STAB2: variants seen among roughly 807,000 people sequenced by gnomAD.
STAB2 encodes the protein stabilin 2, also known as stabilin-2.
In STAB2, 288 loss-of-function variants were observed where a neutral mutation model predicts 338.1. The observed-to-expected ratio is 0.85, with a 90% CI of 0.77 to 0.94. The LOEUF is 0.94. Among genes scored for constraint, STAB2 ranks in the 40% least tolerant of loss-of-function variants. The pLI, the probability that STAB2 is intolerant of heterozygous loss-of-function variation, is 0.00. For synonymous variants in STAB2, 1,202 were observed against 1,193.3 expected (o/e 1.01, Z -0.15); for missense variants, 3,141 against 3,210.1 (o/e 0.98, Z 0.52).
chr12:103,705,376 A>G (rs697211), intron 36 of STAB2, among the ~76,000 whole-genome samples: 101,303 of 152,140 alleles, frequency 0.67, 34,119 homozygotes, highest in Non-Finnish European at 0.71. Context: ...ACTTAAGTTG[A>G]TATTCTAAAG....
intron 3 of STAB2, among the ~76,000 whole-genome samples, chr12:103,596,331 A>C (rs1207941715): frequency 6.6e-6 from 1 of 152,226 alleles, no homozygotes; most frequent in South Asian, 2.1e-4. Context: ...ATGCAGTACA[A>C]AAGTCAGCAT....
intron 44 of STAB2, among the ~76,000 whole-genome samples, chr12:103,723,944 G>C (rs867117078): frequency 6.8e-6 from 1 of 147,716 alleles, no homozygotes. Flanking sequence ...GCTTGAAATG[G>C]AGCTCTCAGG....
At chr12:103,713,822 T>C in intron 42 of STAB2, 54 bp downstream of exon 42, 1 of 1,603,438 alleles carries the variant, frequency 6.2e-7, no homozygotes, top group Admixed American at 1.7e-5. Flanking sequence ...CATAGCCCTA[T>C]TAAATGATTC....
At chr12:103,656,711 G>A (rs1277525549) in intron 15 of STAB2, among the ~76,000 whole-genome samples, 3 of 129,116 alleles carry the variant, frequency 2.3e-5, no homozygotes, top group Middle Eastern at 4.7e-3. Flanking sequence ...ACGGAGTCTC[G>A]CTCTGTCGCC....
chr12:103,660,459 T>C, intron 16 of STAB2, 75 bp downstream of exon 16: 1 of 1,544,738 alleles, frequency 6.5e-7, no homozygotes, highest in Admixed American at 1.7e-5. Flanking sequence ...TTCCAATATT[T>C]TGACGCTAGA....
intron 4 of STAB2, among the ~76,000 whole-genome samples, chr12:103,621,088 ACT>A (rs1957294063): frequency 6.6e-6 from 1 of 151,726 alleles, no homozygotes; most frequent in African/African-American, 2.4e-5. Flanking sequence ...CAAGAGCAAG[ACT>A]CTGTCCACCC....
In STAB2 at chr12:103,684,999, A is replaced by G; in HGVS notation, c.2912A>G (p.Gln971Arg). The G allele has an allele frequency of 6.2e-7, 1 of 1,613,860 alleles. No individual in the cohort carries two copies. The highest frequency in any genetic ancestry group is 2.2e-5 in the East Asian group (1 of 44,872). Residue 971 changes from glutamine (Q) to arginine (R), a missense_variant, in exon 27 of 69, where the codon CAA becomes CGA. Physicochemically the swap from Gln to Arg is conservative, Grantham distance 43 (BLOSUM62 1). Coordinates refer to ENST00000388887, the MANE Select transcript of STAB2 (RefSeq NM_017564.10). ...TCTTGGTTTTCTCAGGCAAGCTGTCAATCTACTTCGTCTGGTGTCTGGAGC... is the reference window on the plus strand; with the variant it reads ...TCTTGGTTTTCTCAGGCAAGCTGTCGATCTACTTCGTCTGGTGTCTGGAGC... Reference protein sequence around the residue: ...TGKCHPLASCQSTSSGVWSCV... With the variant: ...TGKCHPLASCRSTSSGVWSCV...
rs1002462186 is a variant in STAB2, at chr12:103,644,471, T to G, written c.1040+4215T>G. Among the ~76,000 whole-genome samples, 560 of 150,700 alleles carry G rather than the reference T, an allele frequency of 3.7e-3. 2 individuals carry two copies. Among genetic ancestry groups the G allele is most frequent in the African/African-American group, 0.013 (544 of 41,098 alleles). ...GTTTATCTGCTGACCCTCCCTCCAC[T>G]ATTGTCCTATGACCCTGCCAAATCC... On this transcript the variant is annotated intron_variant, in intron 9 of 68. Transcript: ENST00000388887.
At position 103,715,860 on chromosome 12, in the gene STAB2, C is replaced by T. The variant is rs909374423; in HGVS notation, c.4583C>T (p.Ala1528Val). The T allele has an allele frequency of 7.4e-5, 119 of 1,613,934 alleles. No individual in the cohort carries two copies. The highest frequency in any genetic ancestry group is 9.1e-5 in the Non-Finnish European group (107 of 1,179,954). The change falls in exon 43 of 69, where the codon GCG becomes GTG. Residue 1528 changes from alanine (A) to valine (V), a missense_variant. Physicochemically the swap from Ala to Val is moderately conservative, Grantham distance 64. Coordinates refer to ENST00000388887, the MANE Select transcript of STAB2 (RefSeq NM_017564.10). ...LENHGGCDKN[A>V]ECTQTGPNQA... ...AACCATGGTGGCTGTGACAAGAATG[C>T]GGAGTGCACACAGACAGGACCCAAC...
intron 24 of STAB2, among the ~76,000 whole-genome samples, chr12:103,676,317 A>G (rs1367403574): frequency 2.0e-5 from 3 of 151,206 alleles, no homozygotes; most frequent in African/African-American, 4.9e-5. Flanking sequence ...TTGGCCTCCC[A>G]AAGTGCTAGG....
Position 103,648,778 on chromosome 12 carries a change from A to G in STAB2, c.1129A>G (p.Arg377Gly). ...ERLRELNTEPRGKWQGRLTSF... is the reference protein window; with the variant it reads ...ERLRELNTEPGGKWQGRLTSF... Reference sequence around the variant, plus strand: ...ACTCAGAGAATTAAATACTGAACCCAGAGGAAAATGGCAAGGAAGGCTGAC... The same window carrying G: ...ACTCAGAGAATTAAATACTGAACCCGGAGGAAAATGGCAAGGAAGGCTGAC... The change falls in exon 10 of 69, where the codon AGA becomes GGA. Residue 377 changes from arginine (R) to glycine (G), a missense_variant. Physicochemically the swap from Arg to Gly is moderately radical, Grantham distance 125. Coordinates refer to ENST00000388887, the MANE Select transcript of STAB2 (RefSeq NM_017564.10). The G allele has an allele frequency of 6.2e-7, 1 of 1,614,158 alleles. No homozygotes were observed. Among genetic ancestry groups the G allele is most frequent in the Non-Finnish European group, 8.5e-7 (1 of 1,179,994 alleles).
At chr12:103,661,283 C>T (rs7959033) in intron 17 of STAB2, among the ~76,000 whole-genome samples, 84,622 of 150,704 alleles carry the variant, frequency 0.56, 24,505 homozygotes, top group South Asian at 0.71. Flanking sequence ...GAACACAATT[C>T]ATTTTTAAAA....
At chr12:103,745,424 C>T (rs1477023789) in intron 57 of STAB2, 147 bp downstream of exon 57, 1 of 674,524 alleles carries the variant, frequency 1.5e-6, no homozygotes, top group Admixed American at 3.3e-5. Flanking sequence ...AGATCTGTAG[C>T]CCCGGGCCTC....
chr12:103,652,430 G>C, intron 11 of STAB2, 126 bp from the exon 12 acceptor site: 1 of 762,668 alleles, frequency 1.3e-6, no homozygotes, highest in Non-Finnish European at 2.0e-6. Flanking sequence ...ATTTGTATTT[G>C]CAAAAGCCCA....
intron 25 of STAB2, among the ~76,000 whole-genome samples, chr12:103,680,542 A>T (rs10778277): frequency 0.45 from 68,716 of 152,098 alleles, 15,496 homozygotes; most frequent in East Asian, 0.53. Context: ...GGAGTACATT[A>T]TCTGGTAACT....
At chr12:103,669,330 GCCAGTCCAGCAC>G (rs1875492920) in intron 20 of STAB2, 199 bp from the exon 21 acceptor site, 3 of 569,082 alleles carry the variant, frequency 5.3e-6, no homozygotes, top group African/African-American at 1.9e-5. Flanking sequence ...CAGTGTTAGA[GCCAGTCCAGCAC>G]CCAGGGGAGG....
At chr12:103,618,179 A>G (rs892734947) in intron 3 of STAB2, among the ~76,000 whole-genome samples, 4 of 152,118 alleles carry the variant, frequency 2.6e-5, no homozygotes, top group African/African-American at 4.8e-5. Flanking sequence ...CTAATCCCCA[A>G]TGTGATTGTA....
chr12:103,757,960 C>A, intron 63 of STAB2: 1 of 644,772 alleles, frequency 1.6e-6, no homozygotes, highest in Non-Finnish European at 2.6e-6. Context: ...TGTGACGTGG[C>A]TGTGTCTTAA....
intron 28 of STAB2, 110 bp downstream of exon 28, chr12:103,688,325 G>A: frequency 9.4e-7 from 1 of 1,058,904 alleles, no homozygotes; most frequent in South Asian, 1.3e-5. Context: ...AGGCAATTGT[G>A]CTGAGCAGTG....
Sources: allele counts gnomAD v4.1 joint callset (sites outside exome capture counted in the v4.1 genomes callset), GRCh38; gene constraint gnomAD v4.1.1; transcripts MANE v1.5; gene names NCBI Gene and HGNC (gene_info 2026-07-23, HGNC 2026-07-21).